Variants in SPPL3 observed in about 807,000 individuals in gnomAD.
SPPL3 encodes signal peptide peptidase-like 3.
Under a neutral mutation model 42.4 loss-of-function variants are expected in SPPL3, and 5 were observed. That is an observed-to-expected ratio of 0.12 (90% CI 0.06 to 0.25). The LOEUF is 0.25. Among genes scored for constraint, SPPL3 ranks in the 10% least tolerant of loss-of-function variants. The pLI, the probability that SPPL3 is intolerant of heterozygous loss-of-function variation, is 1.00. For synonymous variants in SPPL3, 195 were observed against 181.8 expected (o/e 1.07, Z -0.58); for missense variants, 235 against 489.0 (o/e 0.48, Z 4.90).
At chr12:120,879,970 CCTG>C (rs1873227432) in intron 1 of SPPL3, among the ~76,000 whole-genome samples, 1 of 151,656 alleles carries the variant, frequency 6.6e-6, no homozygotes, top group South Asian at 2.1e-4. Flanking sequence ...ACCTCTGTTC[CCTG>C]CTTTTATCTT....
chr12:120,893,894 ACTAGTTCCAGCCAGC>A, intron 1 of SPPL3, among the ~76,000 whole-genome samples: 1 of 152,194 alleles, frequency 6.6e-6, no homozygotes, highest in East Asian at 1.9e-4. Context: ...CAAATCTTCA[ACTAGTTCCAGCCAGC>A]CTAGCCATAG....
intron 1 of SPPL3, among the ~76,000 whole-genome samples, chr12:120,817,687 A>G (rs559586870): frequency 1.3e-5 from 2 of 152,154 alleles, no homozygotes; most frequent in African/African-American, 2.4e-5. Flanking sequence ...GCTTTATCCC[A>G]TATTTGTTTA....
intron 1 of SPPL3, chr12:120,902,032 G>T (rs747174907): frequency 2.5e-5 from 12 of 488,766 alleles, no homozygotes; most frequent in Non-Finnish European, 2.9e-5. Context: ...AGAAGCTCAA[G>T]ATGAGTAACC....
At chr12:120,893,189 G>A (rs1022161794) in intron 1 of SPPL3, among the ~76,000 whole-genome samples, 11 of 151,608 alleles carry the variant, frequency 7.3e-5, no homozygotes, top group Non-Finnish European at 1.0e-4. Context: ...AGTGGCTCAC[G>A]CCTGTAATCC....
At chr12:120,856,380 A>G (rs1237856224) in intron 1 of SPPL3, among the ~76,000 whole-genome samples, 1 of 152,052 alleles carries the variant, frequency 6.6e-6, no homozygotes, top group Non-Finnish European at 1.5e-5. Context: ...TGCAAACAGC[A>G]GCGCAGCAAG....
At chr12:120,797,269 T>C (rs1247957694) in intron 2 of SPPL3, among the ~76,000 whole-genome samples, 1 of 151,990 alleles carries the variant, frequency 6.6e-6, no homozygotes, top group Admixed American at 6.6e-5. Flanking sequence ...TCTTTTCTTT[T>C]GTACTCTGTT....
chr12:120,805,739 GAA>G (rs558432331), intron 2 of SPPL3, among the ~76,000 whole-genome samples: 20 of 151,520 alleles, frequency 1.3e-4, no homozygotes, highest in African/African-American at 4.6e-4. Context: ...CCAAAATGAA[GAA>G]AAAAATTCAT....
At chr12:120,814,238 T>C (rs2137003954) in intron 1 of SPPL3, among the ~76,000 whole-genome samples, 1 of 152,290 alleles carries the variant, frequency 6.6e-6, no homozygotes, top group Middle Eastern at 3.4e-3. Context: ...CAAGAATATA[T>C]GTTTTGGATC....
intron 1 of SPPL3, chr12:120,845,607 T>G: frequency 2.2e-6 from 1 of 462,036 alleles, no homozygotes. Context: ...GCACATTTCT[T>G]TTCTGTCAAA....
chr12:120,822,602 C>T (rs998784215), intron 1 of SPPL3, among the ~76,000 whole-genome samples: 1 of 152,136 alleles, frequency 6.6e-6, no homozygotes, highest in Non-Finnish European at 1.5e-5. Context: ...CACAGTTCAT[C>T]CCTTACTTCT....
In SPPL3 at chr12:120,763,975, C is replaced by T. The variant is rs557178830; in HGVS notation, c.*1024G>A. The T allele has an allele frequency of 2.0e-4, 30 of 152,692 alleles. No individual in the cohort carries two copies. The highest frequency in any genetic ancestry group is 7.0e-4 in the African/African-American group (29 of 41,550). The allele number at this position is 152,692 out of a possible 1,614,324, so 9.5% of individuals were successfully genotyped here. On this transcript the variant is annotated 3_prime_UTR_variant, in exon 11 of 11. Coordinates refer to ENST00000353487, the MANE Select transcript of SPPL3 (RefSeq NM_139015.5). ...AAGACACCTGCTGCTATAATACATG[C>T]ATTGGCTCGAGAAGAAACTACGGAA...
intron 1 of SPPL3, among the ~76,000 whole-genome samples, chr12:120,813,234 T>C (rs1327197463): frequency 6.8e-6 from 1 of 147,942 alleles, no homozygotes; most frequent in Admixed American, 6.6e-5. Context: ...TACATTTCCT[T>C]TAATCGTTGT....
At chr12:120,828,955 GTCTC>G (rs940080994) in intron 1 of SPPL3, among the ~76,000 whole-genome samples, 73 of 151,800 alleles carry the variant, frequency 4.8e-4, no homozygotes, top group Non-Finnish European at 7.8e-4. Context: ...AGAGATGGGG[GTCTC>G]TCTATGTTGC....
intron 1 of SPPL3, among the ~76,000 whole-genome samples, chr12:120,900,598 A>G (rs1373168712): frequency 8.5e-5 from 3 of 35,136 alleles, no homozygotes; most frequent in African/African-American, 3.7e-4. Flanking sequence ...TGTCTCAAGG[A>G]AAAAAAAAAA....
intron 1 of SPPL3, among the ~76,000 whole-genome samples, chr12:120,821,913 CT>C (rs1871082339): frequency 6.6e-6 from 1 of 152,002 alleles, no homozygotes; most frequent in South Asian, 2.1e-4. Context: ...ATTATTCATC[CT>C]TAAAAAAGAA....
chr12:120,828,989 C>T (rs1479988128), intron 1 of SPPL3, among the ~76,000 whole-genome samples: 2 of 152,150 alleles, frequency 1.3e-5, no homozygotes, highest in Non-Finnish European at 2.9e-5. Context: ...TCATGAGCTC[C>T]TGGGCTCAAG....
In SPPL3 at chr12:120,876,700, C is replaced by T. The variant is rs543131056; in HGVS notation, c.23+27145G>A. Among the ~76,000 whole-genome samples the T allele has an allele frequency of 2.0e-5, 3 of 149,178 alleles. No homozygotes were observed. In the South Asian group the frequency reaches 6.4e-4, roughly 32 times the overall value. Reference sequence around the variant, plus strand: ...AGACCAAAATGTACAGTATGTACAGCATGCAGCTAAAAAGTGCTTAGAGGG... The same window carrying T: ...AGACCAAAATGTACAGTATGTACAGTATGCAGCTAAAAAGTGCTTAGAGGG... On this transcript the variant is annotated intron_variant, in intron 1 of 10. Transcript: ENST00000353487.
chr12:120,791,859 C>A, intron 2 of SPPL3: 1 of 304,358 alleles, frequency 3.3e-6, no homozygotes. Context: ...GGAGAAATGT[C>A]AAAGGGCAAG....
In SPPL3 at chr12:120,847,183, GAAGA is replaced by G. The variant is rs947382774; in HGVS notation, c.24-36301_24-36298del. On this transcript the variant is annotated intron_variant, in intron 1 of 10. Coordinates refer to ENST00000353487, the MANE Select transcript of SPPL3 (RefSeq NM_139015.5). ...AAATAAATTCAAACAAAATAAACCA[GAAGA>G]AAGGGAGATGTAACATCAATTTCAA... 3.8e-4 allele frequency among the ~76,000 whole-genome samples: 58 copies of G among 152,090 alleles called. 1 individual carries two copies. The highest frequency in any genetic ancestry group is 3.5e-3 in the Admixed American group (53 of 15,264).
Sources: gnomAD v4.1 joint callset for allele counts (sites outside exome capture counted in the v4.1 genomes callset) on GRCh38, gnomAD v4.1.1 for gene constraint, MANE v1.5 for transcripts, NCBI Gene and HGNC (gene_info 2026-07-23, HGNC 2026-07-21) for gene names.